Variants in PCNX2 observed in about 807,000 individuals in gnomAD.
PCNX2 encodes pecanex-like protein 2.
A neutral mutation model predicts 223.8 loss-of-function variants in PCNX2; 168 were observed. The observed-to-expected ratio is 0.75, with a 90% CI of 0.66 to 0.85. The LOEUF (loss-of-function observed/expected upper bound fraction) is 0.85. Ranked by LOEUF, PCNX2 falls within the 40% of genes least tolerant of loss-of-function variation. PCNX2 has a pLI of 0.00. For synonymous variants in PCNX2, 1,006 were observed against 1,052.6 expected (o/e 0.96, Z 0.86); for missense variants, 2,507 against 2,675.5 (o/e 0.94, Z 1.39).
At chr1:233,221,559 CCAGGCA>C (rs1396541349) in intron 10 of PCNX2, among the ~76,000 whole-genome samples, 7 of 152,046 alleles carry the variant, frequency 4.6e-5, no homozygotes, top group African/African-American at 1.7e-4. Context: ...AGTTTACTTG[CCAGGCA>C]AAGAGTGACA....
intron 7 of PCNX2, among the ~76,000 whole-genome samples, chr1:233,251,279 A>G (rs562922061): frequency 2.5e-4 from 38 of 152,380 alleles, no homozygotes; most frequent in African/African-American, 9.1e-4. Flanking sequence ...GGACCGCATG[A>G]GACCATCTCT....
intron 15 of PCNX2, among the ~76,000 whole-genome samples, chr1:233,182,360 G>T (rs1236769470): frequency 1.3e-5 from 2 of 152,036 alleles, no homozygotes; most frequent in African/African-American, 4.8e-5. Flanking sequence ...CATCCTGTCT[G>T]GTTAAGGCTT....
At chr1:233,057,147 T>C in intron 24 of PCNX2, 85 bp downstream of exon 24, 1 of 1,145,774 alleles carries the variant, frequency 8.7e-7, no homozygotes, top group Non-Finnish European at 1.3e-6. Context: ...CCACAATGAG[T>C]ACAGAGTGAG....
At chr1:233,164,672 C>A (rs1255534877) in intron 17 of PCNX2, among the ~76,000 whole-genome samples, 1 of 150,818 alleles carries the variant, frequency 6.6e-6, no homozygotes, top group African/African-American at 2.4e-5. Flanking sequence ...ACAAACACAC[C>A]CCCATGGAAT....
In PCNX2 at chr1:233,252,694, T is replaced by C; in HGVS notation, c.1929A>G (p.Gln643=). 1.9e-6 allele frequency: 3 copies of C among 1,613,990 alleles called. No homozygotes were observed. The highest frequency in any genetic ancestry group is 2.5e-6 in the Non-Finnish European group (3 of 1,179,870). Residue 643 remains glutamine, a synonymous_variant, in exon 6 of 34, where the codon CAA becomes CAG. Coordinates refer to ENST00000258229, the MANE Select transcript of PCNX2 (RefSeq NM_014801.4). ...SKQGKPDLQS[Q]DHTSTGPACT... ...ATGCGGGGCCGGTGCTAGTATGGTCTTGACTTTGCAAATCTGGTTTTCCTT... is the reference window on the plus strand; with the variant it reads ...ATGCGGGGCCGGTGCTAGTATGGTCCTGACTTTGCAAATCTGGTTTTCCTT...
At chr1:233,262,638 T>C (rs1660116815) in intron 2 of PCNX2, among the ~76,000 whole-genome samples, 2 of 152,228 alleles carry the variant, frequency 1.3e-5, no homozygotes, top group African/African-American at 2.4e-5. Context: ...TAAAATACTC[T>C]GGCATGCTCT....
chr1:233,099,836 C>T (rs1345899527), intron 21 of PCNX2, among the ~76,000 whole-genome samples: 1 of 152,164 alleles, frequency 6.6e-6, no homozygotes, highest in South Asian at 2.1e-4. Context: ...GAAACAGCCA[C>T]ACCAACACCT....
chr1:233,291,172 T>A, intron 1 of PCNX2: 1 of 841,632 alleles, frequency 1.2e-6, no homozygotes, highest in Non-Finnish European at 1.4e-6. Context: ...TACCACTGAC[T>A]ATAGATGACT....
intron 1 of PCNX2, chr1:233,289,566 G>C (rs1035030505): frequency 2.3e-5 from 14 of 612,078 alleles, no homozygotes; most frequent in African/African-American, 2.2e-4. Flanking sequence ...AGGCAGGTGA[G>C]GGCAGGAGGC....
At chr1:233,037,580 A>C (rs2102853193) in intron 25 of PCNX2, among the ~76,000 whole-genome samples, 1 of 152,116 alleles carries the variant, frequency 6.6e-6, no homozygotes, top group Middle Eastern at 3.4e-3. Flanking sequence ...ACCTGGCCTC[A>C]TATAATCCTC....
chr1:233,108,686 C>A (rs1674943296), intron 21 of PCNX2, among the ~76,000 whole-genome samples: 1 of 152,146 alleles, frequency 6.6e-6, no homozygotes, highest in South Asian at 2.1e-4. Context: ...TCAATAAATG[C>A]TGTTGTCTTT....
At chr1:233,163,915 C>T (rs980315276) in intron 17 of PCNX2, among the ~76,000 whole-genome samples, 19 of 152,114 alleles carry the variant, frequency 1.2e-4, no homozygotes, top group African/African-American at 4.3e-4. Flanking sequence ...TATGGATATA[C>T]CACAATGTGT....
At chr1:233,038,603 T>C (rs932043968) in intron 25 of PCNX2, among the ~76,000 whole-genome samples, 7 of 152,204 alleles carry the variant, frequency 4.6e-5, no homozygotes, top group Non-Finnish European at 8.8e-5. Context: ...AACTCATTAT[T>C]GTATGGGTAA....
Position 233,258,050 on chromosome 1 carries a change from A to C in PCNX2, c.1812T>G (p.Asn604Lys). 6.2e-7 allele frequency: 1 copy of C among 1,612,944 alleles called. No homozygotes were observed. The change falls in exon 5 of 34, where the codon AAT becomes AAG. Residue 604 changes from asparagine to lysine, a missense_variant. By Grantham distance (94) the Asn-to-Lys change is moderately conservative. Transcript: ENST00000258229. ...CACCTCGGAGAAGCCCACTTTCTTCATTCTGCTCAGCTGAGCCATTCAGTT... is the reference window on the plus strand; with the variant it reads ...CACCTCGGAGAAGCCCACTTTCTTCCTTCTGCTCAGCTGAGCCATTCAGTT... ...SSQLNGSAEQNEESGLLRDNC... is the reference protein window; with the variant it reads ...SSQLNGSAEQKEESGLLRDNC...
At chr1:233,246,750 T>C (rs1363132747) in intron 8 of PCNX2, among the ~76,000 whole-genome samples, 2 of 152,146 alleles carry the variant, frequency 1.3e-5, no homozygotes, top group Non-Finnish European at 2.9e-5. Flanking sequence ...TCTGCTCTGG[T>C]TCCATTCTTT....
rs61266415 is a variant in PCNX2 at position 233,270,061 on chromosome 1, C to CCATTCATT, written c.154-6906_154-6899dup. ...CCTTTGTCCATCTGGTCATCCATCC[C>CCATTCATT]CATTCATTCATTCATTCATTCCTTT... On this transcript the variant is annotated intron_variant, in intron 1 of 33. Coordinates refer to ENST00000258229, the MANE Select transcript of PCNX2 (RefSeq NM_014801.4). Among the ~76,000 whole-genome samples, 35 of 152,114 alleles carry CCATTCATT rather than the reference C, an allele frequency of 2.3e-4. 1 individual carries two copies. The South Asian group carries it at 6.7e-3, about 29-fold the overall frequency.
At chr1:233,208,404 A>C in intron 13 of PCNX2, 114 bp downstream of exon 13, 11 of 1,117,520 alleles carry the variant, frequency 9.8e-6, no homozygotes, top group African/African-American at 1.6e-5. Context: ...CCAAGAGGAA[A>C]GTGCACATCT....
intron 8 of PCNX2, among the ~76,000 whole-genome samples, chr1:233,243,374 C>G (rs1170573141): frequency 2.0e-5 from 3 of 152,188 alleles, no homozygotes; most frequent in African/African-American, 7.2e-5. Flanking sequence ...AATATATCTT[C>G]CATGGCTGAA....
At chr1:233,032,251 C>T (rs574921903) in intron 25 of PCNX2, among the ~76,000 whole-genome samples, 19 of 152,142 alleles carry the variant, frequency 1.2e-4, no homozygotes, top group South Asian at 8.3e-4. Flanking sequence ...TGCAGGCACG[C>T]GCCACCACAC....
Sources: gnomAD v4.1 joint callset for allele counts (sites outside exome capture counted in the v4.1 genomes callset) on GRCh38, gnomAD v4.1.1 for gene constraint, MANE v1.5 for transcripts, NCBI Gene and HGNC (gene_info 2026-07-23, HGNC 2026-07-21) for gene names.